SUPT6H: variants seen among roughly 807,000 people sequenced by gnomAD.
SUPT6H encodes the protein transcription elongation factor SPT6.
A neutral mutation model predicts 222.3 loss-of-function variants in SUPT6H; 11 were observed. The ratio of observed to expected loss-of-function variants is 0.05; its 90% CI spans 0.03 to 0.08. The LOEUF (loss-of-function observed/expected upper bound fraction) is 0.08, where lower values mean the gene tolerates loss of function less well. Among genes scored for constraint, SUPT6H ranks in the 10% least tolerant of loss-of-function variants. The pLI is 1.00. For synonymous variants in SUPT6H, 762 were observed against 801.2 expected (o/e 0.95, Z 0.83); for missense variants, 1,422 against 2,216.0 (o/e 0.64, Z 7.19).
intron 19 of SUPT6H, among the ~76,000 whole-genome samples, chr17:28,685,434 T>C (rs2031330076): frequency 6.6e-6 from 1 of 151,406 alleles, no homozygotes; most frequent in Non-Finnish European, 1.5e-5. Flanking sequence ...AAAGAAAAAC[T>C]TCTTAAGAAA....
intron 11 of SUPT6H, among the ~76,000 whole-genome samples, chr17:28,679,462 T>G (rs574287539): frequency 6.6e-6 from 1 of 152,200 alleles, no homozygotes; most frequent in Non-Finnish European, 1.5e-5. Flanking sequence ...GGCAAGAGTA[T>G]CACTTCAGCC....
intron 1 of SUPT6H, among the ~76,000 whole-genome samples, chr17:28,669,571 A>C (rs1237248805): frequency 6.6e-6 from 1 of 152,232 alleles, no homozygotes; most frequent in East Asian, 1.9e-4. Context: ...TGGAAGGTCG[A>C]GGCAGGTGGA....
In SUPT6H at chr17:28,698,983, A is replaced by G. The variant is rs921972294; in HGVS notation, c.4449-798A>G. 2.6e-5 allele frequency among the ~76,000 whole-genome samples: 4 copies of G among 152,226 alleles called. No homozygotes were observed. In the East Asian group the frequency reaches 7.7e-4, roughly 29 times the overall value. The stretch of plus-strand genomic sequence containing the variant: ...GGCTCTAACCAGGACCAGGTGCAGC[A>G]TGATAGCTTCTGGGGAAAGGAGCTG... On this transcript the variant is annotated intron_variant, in intron 32 of 36. Coordinates refer to ENST00000314616, the MANE Select transcript of SUPT6H (RefSeq NM_003170.5).
In SUPT6H at chr17:28,674,353, CGAT is replaced by C. The variant is rs758970671; in HGVS notation, c.189_191del (p.Asp63del). The C allele has an allele frequency of 2.4e-4, 395 of 1,613,974 alleles. No individual in the cohort carries two copies. Among genetic ancestry groups the C allele is most frequent in the Non-Finnish European group, 3.1e-4 (369 of 1,180,012 alleles). On this transcript the variant is annotated inframe_deletion, in exon 3 of 37. Coordinates refer to ENST00000314616, the MANE Select transcript of SUPT6H (RefSeq NM_003170.5). ...GCAACTTGAAAGGCTTTATCAATGA[CGAT>C]GATGATGAAGATGAAGGGGAGGAGG...
chr17:28,699,689 A>G (rs1169568000), intron 32 of SUPT6H, 92 bp from the exon 33 acceptor site: 1 of 1,040,910 alleles, frequency 9.6e-7, no homozygotes, highest in Non-Finnish European at 1.5e-6. Flanking sequence ...TAGCACCCAG[A>G]ATGGCTACTT....
At position 28,663,827 on chromosome 17, in the gene SUPT6H, C is replaced by CTTTTTTTTTTTTTTT. The variant is rs1567681347; in HGVS notation, c.-32+1485_-32+1486insTTTTTTTTTTTTTTT. On this transcript the variant is annotated intron_variant, in intron 1 of 36. Transcript: ENST00000314616. Reference sequence around the variant, plus strand: ...AATCTGGCTTCTCTTCTGCCCACTCCATTTTTTTTTTTTTTTTTGTGGAGA... The same window carrying CTTTTTTTTTTTTTTT: ...AATCTGGCTTCTCTTCTGCCCACTCCTTTTTTTTTTTTTTTATTTTTTTTTTTTTTTTTGTGGAGA... Among the ~76,000 whole-genome samples the CTTTTTTTTTTTTTTT allele has an allele frequency of 7.5e-3, 63 of 8,398 alleles. 6 individuals carry two copies. Among genetic ancestry groups the CTTTTTTTTTTTTTTT allele is most frequent in the African/African-American group, 0.014 (43 of 3,004 alleles). 5.5% of individuals were successfully genotyped at this position (8,398 alleles called of 152,430 possible). A position where few individuals can be genotyped will look rare whatever the true frequency, so the allele number is the denominator to read the frequency against.
Position 28,677,777 on chromosome 17 carries a change from C to G in SUPT6H, c.960C>G (p.Ile320Met). 1 of 1,614,234 alleles carries G rather than the reference C, an allele frequency of 6.2e-7. No individual in the cohort carries two copies. The highest frequency in any genetic ancestry group is 1.1e-5 in the South Asian group (1 of 91,090). The change falls in exon 8 of 37, where the codon ATC becomes ATG. Residue 320 changes from isoleucine (I) to methionine (M), a missense_variant. Physicochemically the swap from Ile to Met is conservative, Grantham distance 10. Around this residue, in one of 13 missense-constraint regions of SUPT6H, gnomAD observed 389 missense variants for 544.6 expected, o/e 0.71. Transcript: ENST00000314616. ...AACTAGAAGAAGAAGCTGACTGGAT[C>G]TACAGGAATGCTTTTGCCACACCAA... ...DDELEEEADW[I>M]YRNAFATPTI...
In SUPT6H at chr17:28,702,328, T is replaced by G. The variant is rs531496293; in HGVS notation, c.*703T>G. The stretch of plus-strand genomic sequence containing the variant: ...TCCAAGGACTCCCCTGACTCCCTCT[T>G]CTGATCCATCAGAGGCAAAGATTCA... On this transcript the variant is annotated 3_prime_UTR_variant, in exon 37 of 37. Transcript: ENST00000314616. 1 of 152,796 alleles carries G rather than the reference T, an allele frequency of 6.5e-6. No individual in the cohort carries two copies. The highest frequency in any genetic ancestry group is 2.4e-5 in the African/African-American group (1 of 41,554). 9.5% of individuals were successfully genotyped at this position (152,796 alleles called of 1,614,324 possible).
intron 11 of SUPT6H, among the ~76,000 whole-genome samples, 195 bp downstream of exon 11, chr17:28,679,158 G>A (rs987094027): frequency 6.6e-5 from 10 of 152,160 alleles, no homozygotes; most frequent in African/African-American, 2.4e-4. Flanking sequence ...GATCACTTGA[G>A]GTCAGGAGTT....
At chr17:28,678,322 C>A in intron 9 of SUPT6H, 130 bp downstream of exon 9, 1 of 881,614 alleles carries the variant, frequency 1.1e-6, no homozygotes, top group Non-Finnish European at 1.8e-6. Flanking sequence ...AGTGTTAGGA[C>A]CAGCAGAGAC....
Position 28,675,385 on chromosome 17 carries a change from T to C in SUPT6H, c.539-16T>C. The stretch of plus-strand genomic sequence containing the variant: ...GCCCCTGACTCTGAGCCCCAACCCA[T>C]CCTTTTCCTACCCAGATATTGACGA... On this transcript the variant is annotated splice_polypyrimidine_tract_variant and intron_variant, in intron 5 of 36. Coordinates refer to ENST00000314616, the MANE Select transcript of SUPT6H (RefSeq NM_003170.5). The C allele has an allele frequency of 6.2e-7, 1 of 1,613,956 alleles. No homozygotes were observed.
In SUPT6H at chr17:28,678,922, T is replaced by G. The variant is rs539586662; in HGVS notation, c.1308T>G (p.Leu436=). 2 of 1,614,228 alleles carry G rather than the reference T, an allele frequency of 1.2e-6. No individual in the cohort carries two copies. Among genetic ancestry groups the G allele is most frequent in the South Asian group, 2.2e-5 (2 of 91,084 alleles). Residue 436 remains leucine (L), a synonymous_variant, in exon 11 of 37, where the codon CTT becomes CTG. Coordinates refer to ENST00000314616, the MANE Select transcript of SUPT6H (RefSeq NM_003170.5). ...EQISADPDKP[L]ADGIRALDTT... is the part of the protein sequence containing the mutation. ...TCTCTGCTGACCCTGACAAACCTCT[T>G]GCTGATGGCATCCGGGCTCTGGACA... is the stretch of plus-strand genomic sequence containing the variant.
In SUPT6H at chr17:28,687,449, G is replaced by A. The variant is rs1379806291; in HGVS notation, c.2984G>A (p.Arg995Gln). Residue 995 changes from arginine (R) to glutamine (Q), a missense_variant, in exon 23 of 37, where the codon CGG becomes CAG. Coordinates refer to ENST00000314616, the MANE Select transcript of SUPT6H (RefSeq NM_003170.5). ...LIQYVCGLGP[R>Q]KGTHLLKILK... Reference sequence around the variant, plus strand: ...CAGTATGTTTGTGGCCTGGGACCTCGGAAAGGGACCCACCTCCTGAAGGTA... The same window carrying A: ...CAGTATGTTTGTGGCCTGGGACCTCAGAAAGGGACCCACCTCCTGAAGGTA... 1.2e-6 allele frequency: 2 copies of A among 1,614,020 alleles called. No homozygotes were observed. Among genetic ancestry groups the A allele is most frequent in the Non-Finnish European group, 1.7e-6 (2 of 1,179,994 alleles).
In SUPT6H at chr17:28,699,846, A is replaced by G. The variant is rs749520141; in HGVS notation, c.4514A>G (p.Asn1505Ser). 6.2e-7 allele frequency: 1 copy of G among 1,614,190 alleles called. No homozygotes were observed. The highest frequency in any genetic ancestry group is 8.5e-7 in the Non-Finnish European group (1 of 1,180,026). ...RYRGQIFPTV[N>S]GLFRWFKDHY... ...CGGGGCCAGATCTTCCCAACCGTGA[A>G]TGGACTGTTTAGATGGTTTAAGGAT... The change falls in exon 33 of 37, where the codon AAT becomes AGT. Residue 1505 changes from asparagine to serine, a missense_variant. Transcript: ENST00000314616.
chr17:28,663,117 G>A (rs905828202), intron 1 of SUPT6H, among the ~76,000 whole-genome samples: 30 of 152,210 alleles, frequency 2.0e-4, no homozygotes, highest in African/African-American at 7.2e-4. Flanking sequence ...AGTAACAAGG[G>A]TGTATGAAGC....
rs1567706880 is a variant in SUPT6H, at chr17:28,699,816, G to A, written c.4484G>A (p.Arg1495Gln). The change falls in exon 33 of 37, where the codon CGG (arginine) becomes CAG (glutamine). Residue 1495 changes from arginine to glutamine, a missense_variant. Arg to Gln is a conservative substitution (Grantham distance 43). Around this residue, in one of 13 missense-constraint regions of SUPT6H, gnomAD observed 395 missense variants for 580.6 expected, o/e 0.68. Coordinates refer to ENST00000314616, the MANE Select transcript of SUPT6H (RefSeq NM_003170.5). ...GTAACGGTGACTCCAGAGGGATTCC[G>A]GTACCGGGGCCAGATCTTCCCAACC... ...EYVTVTPEGFRYRGQIFPTVN... is the reference protein window; with the variant it reads ...EYVTVTPEGFQYRGQIFPTVN... The A allele has an allele frequency of 3.7e-6, 6 of 1,614,192 alleles. No individual in the cohort carries two copies. Among genetic ancestry groups the A allele is most frequent in the Non-Finnish European group, 2.5e-6 (3 of 1,180,024 alleles).
At chr17:28,691,217 A>G (rs563743008) in intron 27 of SUPT6H, 154 bp downstream of exon 27, 3 of 1,059,994 alleles carry the variant, frequency 2.8e-6, no homozygotes, top group African/African-American at 3.2e-5. Flanking sequence ...CAGGTTTAGC[A>G]TGAAGTCCCT....
At position 28,678,547 on chromosome 17, in the gene SUPT6H, G is replaced by A. The variant is rs777962390; in HGVS notation, c.1119G>A (p.Val373=). The change falls in exon 10 of 37, where the codon GTG becomes GTA. Residue 373 remains valine (V), a splice_region_variant and synonymous_variant. Coordinates refer to ENST00000314616, the MANE Select transcript of SUPT6H (RefSeq NM_003170.5). ...LGFMRNQHFE[V]PFIAFYRKEY... is the part of the protein sequence containing the mutation. ...CTGCAGTCTCTTTGCCATCCTAGGT[G>A]CCTTTTATTGCCTTCTATCGAAAGG... 5.6e-6 allele frequency: 9 copies of A among 1,614,022 alleles called. No homozygotes were observed. Among genetic ancestry groups the A allele is most frequent in the African/African-American group, 5.3e-5 (4 of 74,914 alleles).
Position 28,683,012 on chromosome 17 carries a change from C to T in SUPT6H, c.1798C>T (p.Pro600Ser), listed in dbSNP as rs758495726. Reference protein sequence around the residue: ...YMVALQIAREPLVRQVLRQTF... With the variant: ...YMVALQIARESLVRQVLRQTF... ...GGTAGCCCTGCAGATTGCCCGTGAG[C>T]CCCTTGTCCGGCAGGTGCTGAGGCA... is the stretch of plus-strand genomic sequence containing the variant. Residue 600 changes from proline (P) to serine (S), a missense_variant, in exon 15 of 37, where the codon CCC (proline) becomes TCC (serine). By Grantham distance (74) the Pro-to-Ser change is moderately conservative. Around this residue, in one of 13 missense-constraint regions of SUPT6H, gnomAD observed 121 missense variants for 158.0 expected, o/e 0.77. Coordinates refer to ENST00000314616, the MANE Select transcript of SUPT6H (RefSeq NM_003170.5). 61 of 1,613,878 alleles carry T rather than the reference C, an allele frequency of 3.8e-5. No individual in the cohort carries two copies. The highest frequency in any genetic ancestry group is 4.9e-5 in the Non-Finnish European group (58 of 1,179,964).
Sources: gnomAD v4.1 joint callset for allele counts (sites outside exome capture counted in the v4.1 genomes callset) on GRCh38, gnomAD v4.1.1 for gene constraint, gnomAD v4.1.1 regional missense constraint, MANE v1.5 for transcripts, NCBI Gene and HGNC (gene_info 2026-07-23, HGNC 2026-07-21) for gene names.